Variants in PTPRM observed in about 807,000 individuals in gnomAD.
PTPRM encodes receptor-type tyrosine-protein phosphatase mu.
PTPRM carries 47 observed loss-of-function variants against 186.7 expected under a neutral mutation model. That is an observed-to-expected ratio of 0.25 (90% CI 0.20 to 0.32). The LOEUF is 0.32. PTPRM is among the 10% of genes least tolerant of loss of function. The pLI, the probability that PTPRM is intolerant of heterozygous loss-of-function variation, is 1.00. For missense variants in PTPRM, 1,494 were observed against 1,865.0 expected (o/e 0.80, Z 3.66); for synonymous variants, 668 against 674.9 (o/e 0.99, Z 0.16).
chr18:8,140,800 T>C (rs2092749500), intron 13 of PTPRM, among the ~76,000 whole-genome samples: 1 of 152,158 alleles, frequency 6.6e-6, no homozygotes, highest in Non-Finnish European at 1.5e-5. Flanking sequence ...AAAATGCCTT[T>C]TAATAAGCAA....
At chr18:8,027,467 A>C (rs1211006789) in intron 7 of PTPRM, among the ~76,000 whole-genome samples, 1 of 152,236 alleles carries the variant, frequency 6.6e-6, no homozygotes, top group Middle Eastern at 3.2e-3. Flanking sequence ...TTTTATATGG[A>C]AATGTGTACA....
chr18:8,194,139 C>T (rs73941044), intron 14 of PTPRM, among the ~76,000 whole-genome samples: 2 of 152,322 alleles, frequency 1.3e-5, no homozygotes, highest in African/African-American at 4.8e-5. Context: ...TGTGTCTAAA[C>T]ACCACAGTTC....
intron 7 of PTPRM, among the ~76,000 whole-genome samples, chr18:7,992,291 C>T (rs912405781): frequency 1.3e-5 from 2 of 152,058 alleles, no homozygotes; most frequent in African/African-American, 4.8e-5. Flanking sequence ...CTTCTTTGAG[C>T]ATGGAGGCAA....
rs16952504 is a variant in PTPRM, at chr18:7,756,347, A to C, written c.74-17802A>C. Among the ~76,000 whole-genome samples, 148 of 152,320 alleles carry C rather than the reference A, an allele frequency of 9.7e-4. 1 individual carries two copies. The East Asian group carries it at 0.016, about 17-fold the overall frequency. ...CTCTCCAAGTGCTCTTGCTTAATTA[A>C]CATGCTTTAGTTTGTAAAGGATTGA... On this transcript the variant is annotated intron_variant, in intron 1 of 32. Coordinates refer to ENST00000580170, the MANE Select transcript of PTPRM (RefSeq NM_001105244.2).
intron 21 of PTPRM, among the ~76,000 whole-genome samples, chr18:8,315,606 T>C (rs985981583): frequency 1.3e-5 from 2 of 152,192 alleles, no homozygotes; most frequent in African/African-American, 4.8e-5. Context: ...TTCTGCTCCC[T>C]TGTGGTTCCG....
intron 1 of PTPRM, among the ~76,000 whole-genome samples, chr18:7,740,646 C>G (rs2040867612): frequency 6.6e-6 from 1 of 152,140 alleles, no homozygotes; most frequent in African/African-American, 2.4e-5. Context: ...TCTCAAACTC[C>G]TGGCCTCAAG....
intron 1 of PTPRM, among the ~76,000 whole-genome samples, chr18:7,667,808 C>A (rs1416814060): frequency 6.6e-6 from 1 of 151,968 alleles, no homozygotes; most frequent in Admixed American, 6.6e-5. Context: ...ATAATGAGGG[C>A]AGAAAGTTGC....
intron 11 of PTPRM, among the ~76,000 whole-genome samples, chr18:8,111,660 A>G (rs538205427): frequency 2.6e-5 from 4 of 152,320 alleles, no homozygotes; most frequent in Admixed American, 2.6e-4. Context: ...TGCAAAGAAA[A>G]TAATTATTCT....
At chr18:8,176,493 T>C (rs1601019351) in intron 14 of PTPRM, among the ~76,000 whole-genome samples, 1 of 152,226 alleles carries the variant, frequency 6.6e-6, no homozygotes, top group Non-Finnish European at 1.5e-5. Context: ...TGAAAAAATA[T>C]ATGTATACAT....
chr18:8,005,678 G>T (rs2084139579), intron 7 of PTPRM, among the ~76,000 whole-genome samples: 1 of 151,972 alleles, frequency 6.6e-6, no homozygotes, highest in South Asian at 2.1e-4. Context: ...CACCTCAGGG[G>T]TGACCTCCCC....
At chr18:7,944,829 G>A (rs2052408311) in intron 5 of PTPRM, among the ~76,000 whole-genome samples, 1 of 152,130 alleles carries the variant, frequency 6.6e-6, no homozygotes, top group Non-Finnish European at 1.5e-5. Context: ...CCTGAAGCCT[G>A]GGCTTAAGCA....
intron 23 of PTPRM, among the ~76,000 whole-genome samples, chr18:8,350,642 A>G (rs1190829426): frequency 1.5e-4 from 23 of 152,190 alleles, no homozygotes; most frequent in Admixed American, 1.5e-3. Flanking sequence ...CTCCTGACAC[A>G]CCACTCATCT....
intron 2 of PTPRM, among the ~76,000 whole-genome samples, chr18:7,850,668 C>T (rs1035978002): frequency 6.6e-6 from 1 of 152,190 alleles, no homozygotes; most frequent in Non-Finnish European, 1.5e-5. Context: ...CTCACAGTGA[C>T]TGAAGCCAAG....
chr18:7,812,990 G>A (rs1278822482), intron 2 of PTPRM, among the ~76,000 whole-genome samples: 4 of 152,204 alleles, frequency 2.6e-5, no homozygotes, highest in Non-Finnish European at 2.9e-5. Flanking sequence ...CTATTCATGT[G>A]CACCTAGCAG....
chr18:7,717,446 G>C (rs1568050553), intron 1 of PTPRM, among the ~76,000 whole-genome samples: 1 of 152,162 alleles, frequency 6.6e-6, no homozygotes, highest in Non-Finnish European at 1.5e-5. Flanking sequence ...TTCCTGCGGA[G>C]AGCCACTTTG....
rs369828009 is a variant in PTPRM, at chr18:8,123,800, A to G, written c.2167+8973A>G. Among the ~76,000 whole-genome samples, 210 of 152,284 alleles carry G rather than the reference A, an allele frequency of 1.4e-3. 3 individuals are homozygous for G. The Middle Eastern group carries it at 0.02, about 15-fold the overall frequency. On this transcript the variant is annotated intron_variant, in intron 13 of 32. Transcript: ENST00000580170. ...TTGAAGGTTATTGGGATCCTTCAGC[A>G]ACTCTGACCACCCATTGTGTCTGAG...
At chr18:7,942,051 C>G (rs1276217675) in intron 5 of PTPRM, among the ~76,000 whole-genome samples, 2 of 152,050 alleles carry the variant, frequency 1.3e-5, no homozygotes, top group African/African-American at 4.8e-5. Flanking sequence ...TTTAGGAGGC[C>G]AAGGTGGGCA....
intron 7 of PTPRM, among the ~76,000 whole-genome samples, chr18:8,008,268 A>C (rs1942376094): frequency 6.6e-6 from 1 of 152,298 alleles, no homozygotes. Context: ...GGAGGTCGGC[A>C]GTTCAGTTCT....
chr18:8,042,411 T>C (rs188460789), intron 7 of PTPRM, among the ~76,000 whole-genome samples: 1 of 152,300 alleles, frequency 6.6e-6, no homozygotes, highest in East Asian at 1.9e-4. Context: ...GTTTAAAAAT[T>C]ATAACTCTTA....
Sources: gnomAD v4.1 joint callset for allele counts (sites outside exome capture counted in the v4.1 genomes callset) on GRCh38, gnomAD v4.1.1 for gene constraint, MANE v1.5 for transcripts, NCBI Gene and HGNC (gene_info 2026-07-23, HGNC 2026-07-21) for gene names.